The following PPP1R37 variants were observed in gnomAD, a reference collection of about 807,000 sequenced individuals.
The protein encoded by PPP1R37 is protein phosphatase 1 regulatory subunit 37.
In PPP1R37, 21 loss-of-function variants were observed where a neutral mutation model predicts 61.0. The observed-to-expected ratio is 0.34, with a 90% CI of 0.24 to 0.50. The LOEUF is 0.50. Among genes scored for constraint, PPP1R37 ranks in the 20% least tolerant of loss-of-function variants. The pLI is 0.98. For missense variants in PPP1R37, 910 were observed against 952.7 expected (o/e 0.96, Z 0.59); for synonymous variants, 443 against 433.5 (o/e 1.02, Z -0.27).
At chr19:45,134,636 G>T (rs1423465238) in intron 1 of PPP1R37, among the ~76,000 whole-genome samples, 1 of 149,646 alleles carries the variant, frequency 6.7e-6, no homozygotes, top group Admixed American at 6.7e-5. Flanking sequence ...TCGGCTCACT[G>T]CATCCTTCAC....
chr19:45,093,856 A>G (rs139403029), intron 1 of PPP1R37, among the ~76,000 whole-genome samples: 1 of 152,238 alleles, frequency 6.6e-6, no homozygotes, highest in African/African-American at 2.4e-5. Flanking sequence ...TCCACCAGAG[A>G]AGGAGAGAAG....
chr19:45,102,756 ACT>A (rs138782134), intron 1 of PPP1R37, among the ~76,000 whole-genome samples: 4,620 of 151,826 alleles, frequency 0.03, 230 homozygotes, highest in African/African-American at 0.11. Flanking sequence ...AAGTTTTTAG[ACT>A]CTCTGGGAAG....
At chr19:45,098,778 G>A (rs980051151) in intron 1 of PPP1R37, among the ~76,000 whole-genome samples, 20 of 152,140 alleles carry the variant, frequency 1.3e-4, no homozygotes, top group African/African-American at 4.8e-4. Flanking sequence ...GTGGAAAGAG[G>A]CCCCAGGTTA....
chr19:45,143,712 C>G, intron 8 of PPP1R37, 79 bp downstream of exon 8: 1 of 801,012 alleles, frequency 1.2e-6, no homozygotes, highest in South Asian at 1.6e-5. Flanking sequence ...ACAGTTGCCT[C>G]TAGCTGACGG....
chr19:45,143,836 C>G, intron 8 of PPP1R37: 1 of 461,660 alleles, frequency 2.2e-6, no homozygotes, highest in Non-Finnish European at 3.9e-6. Flanking sequence ...TTCATTATCT[C>G]CTTTTTTTTT....
intron 1 of PPP1R37, among the ~76,000 whole-genome samples, chr19:45,119,152 C>G (rs1481991873): frequency 2.0e-5 from 3 of 150,834 alleles, no homozygotes; most frequent in Non-Finnish European, 3.0e-5. Flanking sequence ...CAACACCCGT[C>G]TAATTTTTTT....
chr19:45,111,714 G>T lies in PPP1R37; in HGVS notation c.202+18187G>T, dbSNP rs1968203078. On this transcript the variant is annotated intron_variant, in intron 1 of 12. Transcript: ENST00000221462. Reference sequence around the variant, plus strand: ...ATTAACTCACCTCTGCCTGTGGGTGGGTGGAGGGAGCCCACTGTCCTGACT... The same window carrying T: ...ATTAACTCACCTCTGCCTGTGGGTGTGTGGAGGGAGCCCACTGTCCTGACT... 2.0e-5 allele frequency among the ~76,000 whole-genome samples: 3 copies of T among 152,246 alleles called. No homozygotes were observed. The South Asian group carries it at 6.2e-4, about 32-fold the overall frequency.
intron 1 of PPP1R37, among the ~76,000 whole-genome samples, chr19:45,122,160 AC>A (rs1365460478): frequency 3.3e-5 from 5 of 152,132 alleles, no homozygotes; most frequent in Non-Finnish European, 7.4e-5. Context: ...AGAGGACGGA[AC>A]TGGACACCTA....
intron 1 of PPP1R37, among the ~76,000 whole-genome samples, chr19:45,116,948 T>C (rs1288105419): frequency 1.3e-5 from 2 of 149,994 alleles, no homozygotes; most frequent in Admixed American, 1.3e-4. Flanking sequence ...AGTTTCGCTC[T>C]TTTTGCCCAG....
At chr19:45,100,674 A>G (rs1194441943) in intron 1 of PPP1R37, among the ~76,000 whole-genome samples, 1 of 152,230 alleles carries the variant, frequency 6.6e-6, no homozygotes. Context: ...GCAACGTGCC[A>G]TACGGTCTCT....
chr19:45,099,474 C>T (rs1968034680), intron 1 of PPP1R37, among the ~76,000 whole-genome samples: 1 of 152,226 alleles, frequency 6.6e-6, no homozygotes. Flanking sequence ...GCCTGAGTCT[C>T]CTCTGGAGCG....
At position 45,145,535 on chromosome 19, in the gene PPP1R37, G is replaced by A; in HGVS notation, c.1479G>A (p.Gln493=). The A allele has an allele frequency of 6.5e-7, 1 of 1,534,782 alleles. No individual in the cohort carries two copies. Among genetic ancestry groups the A allele is most frequent in the East Asian group, 2.4e-5 (1 of 40,874 alleles). The change falls in exon 11 of 13, where the codon CAG becomes CAA. Residue 493 remains glutamine, a synonymous_variant. Coordinates refer to ENST00000221462, the MANE Select transcript of PPP1R37 (RefSeq NM_019121.2). ...QPDDEPAAGV[Q]NGAPSPAPSP... ...ACGACGAGCCCGCCGCTGGGGTGCA[G>A]AACGGGGCCCCCAGCCCCGCACCCA...
intron 1 of PPP1R37, among the ~76,000 whole-genome samples, chr19:45,137,997 C>T (rs1968560174): frequency 6.6e-6 from 1 of 152,014 alleles, no homozygotes; most frequent in African/African-American, 2.4e-5. Flanking sequence ...ATGATCTGGG[C>T]GTGACAGTGC....
At chr19:45,098,709 C>A (rs1234545038) in intron 1 of PPP1R37, among the ~76,000 whole-genome samples, 1 of 152,106 alleles carries the variant, frequency 6.6e-6, no homozygotes, top group Non-Finnish European at 1.5e-5. Flanking sequence ...CTATTGAAAC[C>A]CGTGCTGCAG....
chr19:45,104,941 C>T (rs1166187081), intron 1 of PPP1R37, among the ~76,000 whole-genome samples: 1 of 152,196 alleles, frequency 6.6e-6, no homozygotes. Context: ...CTTCCTGGCC[C>T]TCCTAATGGG....
intron 1 of PPP1R37, chr19:45,100,348 G>C (rs547241597): frequency 1.1e-4 from 16 of 152,352 alleles, no homozygotes; most frequent in African/African-American, 3.4e-4. Flanking sequence ...CATGGGGGCA[G>C]GTGGGTTAAA....
Position 45,145,410 on chromosome 19 carries a change from A to G in PPP1R37, c.1354A>G (p.Lys452Glu). Residue 452 changes from lysine (K) to glutamate (E), a missense_variant, in exon 11 of 13, where the codon AAG (lysine) becomes GAG (glutamate). Around this residue, in one of 3 missense-constraint regions of PPP1R37, gnomAD observed 549 missense variants for 505.1 expected, o/e 1.09. Coordinates refer to ENST00000221462, the MANE Select transcript of PPP1R37 (RefSeq NM_019121.2). The part of the protein sequence containing the change: ...ALLAEIQNGC[K>E]RNLVLARERE... ...GCTGGCCGAGATCCAGAACGGCTGC[A>G]AGCGCAACTTGGTGCTGGCGCGGGA... 2.0e-6 allele frequency: 3 copies of G among 1,535,408 alleles called. No individual in the cohort carries two copies. The highest frequency in any genetic ancestry group is 2.6e-6 in the Non-Finnish European group (3 of 1,146,632).
chr19:45,112,615 T>G (rs990449353), intron 1 of PPP1R37, among the ~76,000 whole-genome samples: 5 of 152,218 alleles, frequency 3.3e-5, no homozygotes, highest in African/African-American at 1.2e-4. Context: ...CCAGTGGTGT[T>G]AGATGGTCCC....
chr19:45,128,975 C>G, intron 1 of PPP1R37: 1 of 811,852 alleles, frequency 1.2e-6, no homozygotes, highest in Non-Finnish European at 2.1e-6. Flanking sequence ...CCCTGATCAC[C>G]GTGCTGTCTG....
Sources: gnomAD v4.1 joint callset for allele counts (sites outside exome capture counted in the v4.1 genomes callset) on GRCh38, gnomAD v4.1.1 for gene constraint, gnomAD v4.1.1 regional missense constraint, MANE v1.5 for transcripts, NCBI Gene and HGNC (gene_info 2026-07-23, HGNC 2026-07-21) for gene names.